The following CTBP2 variants were observed in gnomAD, a reference collection of about 807,000 sequenced individuals.
CTBP2 encodes the protein C-terminal binding protein 2, also known as C-terminal-binding protein 2.
Under a neutral mutation model 80.3 loss-of-function variants are expected in CTBP2, and 30 were observed. The observed-to-expected ratio is 0.37, with a 90% confidence interval of 0.28 to 0.51. The LOEUF (loss-of-function observed/expected upper bound fraction) is 0.51, where lower values mean the gene tolerates loss of function less well. Ranked by LOEUF, CTBP2 falls within the 20% of genes least tolerant of loss-of-function variation. The pLI, the probability that CTBP2 is intolerant of heterozygous loss-of-function variation, is 0.93. For synonymous variants in CTBP2, 594 were observed against 587.4 expected, an observed-to-expected ratio of 1.01 and a Z score of -0.16; for missense variants, 1,212 against 1,375.3, an observed-to-expected ratio of 0.88 and a Z score of 1.88.
chr10:125,020,966 A>G (rs1956978025), intron 1 of CTBP2, among the ~76,000 whole-genome samples: 1 of 152,148 alleles, frequency 6.6e-6, no homozygotes. Context: ...CTTTGCACAA[A>G]ACTGAGGACC....
At chr10:125,039,979 C>T (rs574876186) in intron 2 of CTBP2, among the ~76,000 whole-genome samples, 4 of 152,310 alleles carry the variant, frequency 2.6e-5, no homozygotes, top group Non-Finnish European at 5.9e-5. Context: ...GGAGACCTGA[C>T]TGCGGCCTGG....
chr10:125,148,095 A>G (rs1045149743), intron 1 of CTBP2, among the ~76,000 whole-genome samples: 1 of 152,136 alleles, frequency 6.6e-6, no homozygotes, highest in Non-Finnish European at 1.5e-5. Flanking sequence ...CTTCTTTGCC[A>G]CACTTCCTTG....
chr10:125,004,929 C>CCT (rs1378216681), intron 1 of CTBP2, among the ~76,000 whole-genome samples: 1 of 152,236 alleles, frequency 6.6e-6, no homozygotes, highest in Non-Finnish European at 1.5e-5. Context: ...TCCCTAACCT[C>CCT]CTCAAGGGCT....
chr10:125,131,277 C>G (rs1018066281), intron 1 of CTBP2, among the ~76,000 whole-genome samples: 1 of 152,222 alleles, frequency 6.6e-6, no homozygotes, highest in African/African-American at 2.4e-5. Context: ...GGCTGCCACA[C>G]CATGCCAGGT....
intron 2 of CTBP2, among the ~76,000 whole-genome samples, chr10:125,080,543 GGAAACACAATCTCCTGTGGATCT>G (rs546493417): frequency 6.6e-6 from 1 of 152,310 alleles, no homozygotes; most frequent in South Asian, 2.1e-4. Flanking sequence ...TGTCATCATT[GGAAACACAATCTCCTGTGGATCT>G]TTTCTAAAAG....
chr10:125,064,992 T>C (rs1400332807), intron 2 of CTBP2, among the ~76,000 whole-genome samples: 5 of 152,226 alleles, frequency 3.3e-5, no homozygotes, highest in Admixed American at 2.6e-4. Context: ...CTAATGATTA[T>C]CTGAAACACA....
intron 1 of CTBP2, among the ~76,000 whole-genome samples, chr10:125,132,732 G>C (rs1217607265): frequency 6.6e-6 from 1 of 152,098 alleles, no homozygotes; most frequent in Non-Finnish European, 1.5e-5. Context: ...CTAAAATATG[G>C]GTTTTCATCT....
chr10:125,148,167 T>C (rs1019955882), intron 1 of CTBP2, among the ~76,000 whole-genome samples: 3 of 152,140 alleles, frequency 2.0e-5, no homozygotes, highest in Non-Finnish European at 4.4e-5. Flanking sequence ...GCCTCAGTGT[T>C]TGAAAGGAAG....
At chr10:125,065,059 C>T (rs1175992695) in intron 2 of CTBP2, among the ~76,000 whole-genome samples, 1 of 152,240 alleles carries the variant, frequency 6.6e-6, no homozygotes, top group Non-Finnish European at 1.5e-5. Flanking sequence ...CAAAGAAACT[C>T]TCACTTGATG....
At chr10:125,048,512 T>C (rs1466168206) in intron 2 of CTBP2, among the ~76,000 whole-genome samples, 1 of 152,170 alleles carries the variant, frequency 6.6e-6, no homozygotes, top group Non-Finnish European at 1.5e-5. Flanking sequence ...GGAAAGGGGA[T>C]GCAGCGCCAG....
intron 2 of CTBP2, among the ~76,000 whole-genome samples, chr10:125,049,046 GACACACACACACAC>G (rs1178000125): frequency 6.1e-4 from 55 of 89,736 alleles, no homozygotes; most frequent in African/African-American, 1.5e-3. Flanking sequence ...CCTGACCACA[GACACACACACACAC>G]ACACACACAC....
intron 1 of CTBP2, among the ~76,000 whole-genome samples, chr10:125,121,470 G>C (rs111928744): frequency 1.5e-4 from 23 of 152,190 alleles, no homozygotes; most frequent in Non-Finnish European, 2.8e-4. Flanking sequence ...AAAATGAAGA[G>C]TATCCTTGCT....
intron 2 of CTBP2, among the ~76,000 whole-genome samples, chr10:125,065,333 T>C (rs1844458611): frequency 7.1e-6 from 1 of 141,118 alleles, no homozygotes; most frequent in Non-Finnish European, 1.5e-5. Context: ...GCTGCACACA[T>C]GAATCTGTGC....
intron 3 of CTBP2, among the ~76,000 whole-genome samples, chr10:125,033,828 C>T (rs188530678): frequency 6.6e-6 from 1 of 152,260 alleles, no homozygotes; most frequent in Non-Finnish European, 1.5e-5. Context: ...GGCCCAGGGG[C>T]TCCGGGCCAC....
upstream of CTBP2, among the ~76,000 whole-genome samples, chr10:125,031,818 C>T (rs1406845009): frequency 6.6e-6 from 1 of 152,218 alleles, no homozygotes; most frequent in Non-Finnish European, 1.5e-5. Context: ...GCTTGGGCAC[C>T]CACGCAACGC....
At chr10:125,128,676 T>C (rs995853073) in intron 1 of CTBP2, among the ~76,000 whole-genome samples, 1 of 152,220 alleles carries the variant, frequency 6.6e-6, no homozygotes, top group Non-Finnish European at 1.5e-5. Flanking sequence ...GCCAACGTTC[T>C]GTAGGGTGGT....
Position 125,012,234 on chromosome 10 carries a change from G to C in CTBP2, c.1679-8742C>G, listed in dbSNP as rs557465803. Among the ~76,000 whole-genome samples the C allele has an allele frequency of 1.2e-4, 18 of 152,360 alleles. 1 individual carries two copies. The South Asian group carries it at 3.5e-3, about 30-fold the overall frequency. On this transcript the variant is annotated intron_variant, in intron 1 of 8. Coordinates refer to ENST00000309035, the MANE Select transcript of CTBP2 (RefSeq NM_022802.3). ...TCCCTGGGCTCCGGGAGGGAGGACA[G>C]GATGTGGGGGATAGAAGCCGGAGCA...
At chr10:124,992,185 G>A (rs887641431) in intron 8 of CTBP2, among the ~76,000 whole-genome samples, 1 of 140,702 alleles carries the variant, frequency 7.1e-6, no homozygotes, top group Non-Finnish European at 1.5e-5. Flanking sequence ...TCTTATCTAC[G>A]TATACCTTTC....
At chr10:125,113,878 G>A (rs7908482) in intron 1 of CTBP2, among the ~76,000 whole-genome samples, 19,195 of 152,170 alleles carry the variant, frequency 0.13, 1,989 homozygotes, top group African/African-American at 0.28. Flanking sequence ...CCAGTGAACG[G>A]CGACAGCTTA....
Sources: gnomAD v4.1 joint callset for allele counts (sites outside exome capture counted in the v4.1 genomes callset) on GRCh38, gnomAD v4.1.1 for gene constraint, MANE v1.5 for transcripts, NCBI Gene and HGNC (gene_info 2026-07-23, HGNC 2026-07-21) for gene names.